RIN2: variants seen among roughly 807,000 people sequenced by gnomAD.
RIN2 encodes RAB5 interacting protein 2.
In RIN2, 36 loss-of-function variants were observed where a neutral mutation model predicts 78.0. The ratio of observed to expected loss-of-function variants is 0.46; its 90% CI spans 0.35 to 0.61. RIN2 has a LOEUF of 0.61. Among genes scored for constraint, RIN2 ranks in the 20% least tolerant of loss-of-function variants. The pLI, the probability that RIN2 is intolerant of heterozygous loss-of-function variation, is 0.00. For missense variants in RIN2, 1,087 were observed against 1,159.7 expected, an observed-to-expected ratio of 0.94 and a Z score of 0.91; for synonymous variants, 466 against 466.8, an observed-to-expected ratio of 1.00 and a Z score of 0.02.
Position 19,951,780 on chromosome 20 carries a change from A to G in RIN2, c.159-4835A>G, listed in dbSNP as rs186730432. Among the ~76,000 whole-genome samples the G allele has an allele frequency of 2.4e-4, 36 of 152,310 alleles. 1 individual carries two copies. The East Asian group carries it at 4.4e-3, about 19-fold the overall frequency. ...CTCACATGCCCAGCTGAGCTAGGAG[A>G]GGAACCTCATGCTTCCTGCCCTGAG... On this transcript the variant is annotated intron_variant, in intron 4 of 12. Transcript: ENST00000255006.
chr20:19,869,847 G>A (rs1386771606), intron 2 of RIN2, among the ~76,000 whole-genome samples: 1 of 144,050 alleles, frequency 6.9e-6, no homozygotes, highest in Non-Finnish European at 1.5e-5. Context: ...AGAGAAGGGG[G>A]TTCGCTATGT....
chr20:19,800,050 A>C (rs62203168), intron 2 of RIN2, among the ~76,000 whole-genome samples: 11,896 of 152,176 alleles, frequency 0.078, 461 homozygotes, highest in South Asian at 0.11. Flanking sequence ...TAAGCACTTT[A>C]ATGGGTTAGT....
intron 2 of RIN2, chr20:19,886,926 G>C (rs2038223916): frequency 1.8e-6 from 1 of 545,332 alleles, no homozygotes; most frequent in South Asian, 3.1e-5. Flanking sequence ...TCAATATTGA[G>C]TCAAGGTGTC....
chr20:19,898,431 A>G (rs959051601), intron 3 of RIN2, among the ~76,000 whole-genome samples: 1 of 152,256 alleles, frequency 6.6e-6, no homozygotes, highest in Admixed American at 6.5e-5. Flanking sequence ...TCAAAAAGTT[A>G]AAATATGACT....
upstream of RIN2, chr20:19,757,655 G>A (rs113214904): frequency 0.056 from 8,469 of 152,554 alleles, 564 homozygotes; most frequent in African/African-American, 0.16. Context: ...AGCCAGCTCA[G>A]GCCTCTCGAG....
rs920107511 is a variant in RIN2 at position 19,852,657 on chromosome 20, C to G, written c.-36-36909C>G. 5.3e-5 allele frequency among the ~76,000 whole-genome samples: 8 copies of G among 152,250 alleles called. No homozygotes were observed. In the East Asian group the frequency reaches 1.4e-3, roughly 26 times the overall value. ...TAGGTAGAGACCTTGCCAAATTACTCTTTGTATGCTCTTTTCTAGCCTCCT... is the reference window on the plus strand; with the variant it reads ...TAGGTAGAGACCTTGCCAAATTACTGTTTGTATGCTCTTTTCTAGCCTCCT... On this transcript the variant is annotated intron_variant, in intron 2 of 12. Transcript: ENST00000255006.
intron 8 of RIN2, 106 bp from the exon 9 acceptor site, chr20:19,974,548 C>A: frequency 1.7e-6 from 2 of 1,145,938 alleles, no homozygotes; most frequent in Non-Finnish European, 2.5e-6. Context: ...CCCTACCCCA[C>A]CCCGCAAGAC....
In RIN2 at chr20:19,895,345, A is replaced by G. The variant is rs115812921; in HGVS notation, c.57+5687A>G. ...TAGCAAAGAATGGTGCCAGAAGAGAACCAGGGTGAATTGTCCGGTCGACAG... is the reference window on the plus strand; with the variant it reads ...TAGCAAAGAATGGTGCCAGAAGAGAGCCAGGGTGAATTGTCCGGTCGACAG... On this transcript the variant is annotated intron_variant, in intron 3 of 12. Coordinates refer to ENST00000255006, the MANE Select transcript of RIN2 (RefSeq NM_018993.4). Among the ~76,000 whole-genome samples the G allele has an allele frequency of 5.3e-3, 813 of 152,252 alleles. 4 individuals carry two copies. The highest frequency in any genetic ancestry group is 0.017 in the African/African-American group (689 of 41,548).
At chr20:19,902,813 G>A (rs915478842) in intron 3 of RIN2, among the ~76,000 whole-genome samples, 6 of 152,090 alleles carry the variant, frequency 3.9e-5, no homozygotes, top group African/African-American at 1.4e-4. Context: ...TTTAAATTTG[G>A]CCGGGCACGG....
At chr20:19,913,952 A>C (rs2039579132) in intron 3 of RIN2, among the ~76,000 whole-genome samples, 1 of 152,344 alleles carries the variant, frequency 6.6e-6, no homozygotes, top group South Asian at 2.1e-4. Context: ...AAAATATTAA[A>C]ACCTATGTGA....
intron 1 of RIN2, among the ~76,000 whole-genome samples, chr20:19,778,713 T>C (rs1477075172): frequency 6.6e-6 from 1 of 152,058 alleles, no homozygotes; most frequent in Non-Finnish European, 1.5e-5. Flanking sequence ...CACCAAGTAA[T>C]GGGGCAGTGG....
At chr20:19,882,203 G>A (rs13037030) in intron 2 of RIN2, among the ~76,000 whole-genome samples, 24,777 of 151,988 alleles carry the variant, frequency 0.16, 2,554 homozygotes, top group East Asian at 0.29. Context: ...TACAAAATTC[G>A]GACATTCCAA....
intron 3 of RIN2, among the ~76,000 whole-genome samples, chr20:19,889,906 G>A (rs1276067721): frequency 6.6e-6 from 1 of 152,174 alleles, no homozygotes; most frequent in Admixed American, 6.6e-5. Flanking sequence ...AGACGGCTGA[G>A]GCTGTCTTTA....
At chr20:19,844,406 G>A (rs1232837160) in intron 2 of RIN2, among the ~76,000 whole-genome samples, 1 of 152,170 alleles carries the variant, frequency 6.6e-6, no homozygotes, top group Non-Finnish European at 1.5e-5. Flanking sequence ...CCAATAGCAT[G>A]CAACCATATT....
At chr20:19,850,350 A>C (rs1465148636) in intron 2 of RIN2, among the ~76,000 whole-genome samples, 1 of 152,142 alleles carries the variant, frequency 6.6e-6, no homozygotes, top group East Asian at 1.9e-4. Flanking sequence ...TCCTCCGTGC[A>C]GGCTGTTGTT....
At chr20:19,938,620 C>G (rs1212046324) in intron 4 of RIN2, among the ~76,000 whole-genome samples, 2 of 152,152 alleles carry the variant, frequency 1.3e-5, no homozygotes, top group Non-Finnish European at 2.9e-5. Context: ...CAGTGTTCTC[C>G]TCATTAAAAT....
At chr20:19,979,611 T>TTTTTTG (rs971349000) in intron 9 of RIN2, among the ~76,000 whole-genome samples, 2 of 152,042 alleles carry the variant, frequency 1.3e-5, no homozygotes, top group African/African-American at 2.4e-5. Flanking sequence ...GATCTGGGTT[T>TTTTTTG]TTTTTGTTTT....
chr20:19,896,022 A>G (rs901408409), intron 3 of RIN2: 36 of 152,344 alleles, frequency 2.4e-4, no homozygotes, highest in Middle Eastern at 3.4e-3. Flanking sequence ...AGGGATTCCC[A>G]GTAATGGAGT....
chr20:19,897,297 CAG>C (rs2038776925), intron 3 of RIN2, among the ~76,000 whole-genome samples: 1 of 152,088 alleles, frequency 6.6e-6, no homozygotes, highest in South Asian at 2.1e-4. Flanking sequence ...TTAGTAGAGA[CAG>C]AGTTTCACCA....
Sources: gnomAD v4.1 joint callset for allele counts (sites outside exome capture counted in the v4.1 genomes callset) on GRCh38, gnomAD v4.1.1 for gene constraint, MANE v1.5 for transcripts, NCBI Gene and HGNC (gene_info 2026-07-23, HGNC 2026-07-21) for gene names.